Variants in ANKRD11 observed in about 807,000 individuals in gnomAD.
ANKRD11 encodes the protein ankyrin repeat domain 11, also known as ankyrin repeat domain-containing protein 11.
In ANKRD11, 17 loss-of-function variants were observed where a neutral mutation model predicts 195.7. The ratio of observed to expected loss-of-function variants is 0.09; its 90% CI spans 0.06 to 0.13. The LOEUF is 0.13. Among genes scored for constraint, ANKRD11 ranks in the 10% least tolerant of loss-of-function variants. ANKRD11 has a pLI of 1.00. For missense variants in ANKRD11, 3,735 were observed against 3,566.1 expected, an observed-to-expected ratio of 1.05 and a Z score of -1.21; for synonymous variants, 1,953 against 1,528.1, an observed-to-expected ratio of 1.28 and a Z score of -6.49.
At chr16:89,334,297 C>T (rs147539425) in intron 2 of ANKRD11, among the ~76,000 whole-genome samples, 14 of 152,160 alleles carry the variant, frequency 9.2e-5, no homozygotes, top group African/African-American at 2.4e-4. Flanking sequence ...AGTCAACCCC[C>T]AGTGAGTGTA....
At chr16:89,373,761 C>A (rs2040297648) in intron 2 of ANKRD11, among the ~76,000 whole-genome samples, 1 of 152,248 alleles carries the variant, frequency 6.6e-6, no homozygotes, top group African/African-American at 2.4e-5. Context: ...CCACACCTAC[C>A]TGGGATCCCC....
At chr16:89,308,340 C>T (rs558179460) in intron 3 of ANKRD11, among the ~76,000 whole-genome samples, 122 of 152,306 alleles carry the variant, frequency 8.0e-4, no homozygotes, top group African/African-American at 2.6e-3. Flanking sequence ...GATAAAATTC[C>T]ACACTGTTTG....
chr16:89,449,321 C>T (rs2043955374), intron 1 of ANKRD11, among the ~76,000 whole-genome samples: 1 of 152,010 alleles, frequency 6.6e-6, no homozygotes, highest in South Asian at 2.1e-4. Flanking sequence ...GCCGTGATCC[C>T]ACCACTGCAT....
chr16:89,279,630 T>A lies in ANKRD11; in HGVS notation c.6912A>T (p.Glu2304Asp). 6.9e-7 allele frequency: 1 copy of A among 1,438,986 alleles called. No homozygotes were observed. Among genetic ancestry groups the A allele is most frequent in the Non-Finnish European group, 9.1e-7 (1 of 1,101,016 alleles). The allele number at this position is 1,438,986 out of a possible 1,614,324, so 89.1% of individuals were successfully genotyped here. A position where few individuals can be genotyped will look rare whatever the true frequency, so the allele number is the denominator to read the frequency against. Residue 2304 changes from glutamate (E) to aspartate (D), a missense_variant, in exon 9 of 13, where the codon GAA (glutamate) becomes GAT (aspartate). Coordinates refer to ENST00000301030, the MANE Select transcript of ANKRD11 (RefSeq NM_013275.6). This position sits in a 1 kb window ranked among gnomAD's most constrained non-coding sequence, Gnocchi z 5.6. The part of the protein sequence containing the change: ...TEASRAAAPA[E>D]GPPGGIQPEA... ...CCGGCTGGATGCCGCCAGGAGGGCCTTCGGCTGGGGCGGCGGCACGGGAGG... is the reference window on the plus strand; with the variant it reads ...CCGGCTGGATGCCGCCAGGAGGGCCATCGGCTGGGGCGGCGGCACGGGAGG...
chr16:89,290,245 C>T (rs79976534), intron 6 of ANKRD11, among the ~76,000 whole-genome samples: 391 of 15,970 alleles, frequency 0.024, 5 homozygotes, highest in African/African-American at 0.09. Flanking sequence ...AGGGCTCCAG[C>T]GGGGGGTAGG....
chr16:89,473,850 GA>G (rs1277848482), intron 1 of ANKRD11, among the ~76,000 whole-genome samples: 1 of 152,226 alleles, frequency 6.6e-6, no homozygotes, highest in East Asian at 1.9e-4. Context: ...CTAACCCACA[GA>G]ATGTGGTGAA....
At chr16:89,304,546 G>A (rs1597546908) in intron 4 of ANKRD11, among the ~76,000 whole-genome samples, 1 of 148,578 alleles carries the variant, frequency 6.7e-6, no homozygotes, top group Non-Finnish European at 1.5e-5. Context: ...GTACACACAA[G>A]CACATACACG....
At chr16:89,307,751 C>T (rs1394456063) in intron 3 of ANKRD11, among the ~76,000 whole-genome samples, 1 of 152,266 alleles carries the variant, frequency 6.6e-6, no homozygotes, top group Non-Finnish European at 1.5e-5. Flanking sequence ...TAGGCATCTT[C>T]CTTGGGGTCG....
chr16:89,455,227 A>C (rs1444398365), intron 1 of ANKRD11, among the ~76,000 whole-genome samples: 2 of 142,042 alleles, frequency 1.4e-5, no homozygotes, highest in Admixed American at 1.4e-4. Flanking sequence ...AGGGTTCCTC[A>C]AGCTGCTCCC....
chr16:89,279,869 T>TCTCCGC lies in ANKRD11; in HGVS notation c.6667_6672dup (p.Ala2223_Glu2224dup). Reference sequence around the variant, plus strand: ...CCACGGGCCCTCTCTTCCGGCACCGTCTCCGCCTCCACCGCAGCTTCTAGA... The same window carrying TCTCCGC: ...CCACGGGCCCTCTCTTCCGGCACCGTCTCCGCCTCCGCCTCCACCGCAGCTTCTAGA... On this transcript the variant is annotated inframe_insertion, in exon 9 of 13. Coordinates refer to ENST00000301030, the MANE Select transcript of ANKRD11 (RefSeq NM_013275.6). This position sits in a 1 kb window ranked among gnomAD's most constrained non-coding sequence, Gnocchi z 5.6. 6.4e-7 allele frequency: 1 copy of TCTCCGC among 1,570,162 alleles called. No homozygotes were observed. Among genetic ancestry groups the TCTCCGC allele is most frequent in the Non-Finnish European group, 8.6e-7 (1 of 1,159,210 alleles).
intron 1 of ANKRD11, among the ~76,000 whole-genome samples, chr16:89,451,394 G>A (rs1169564516): frequency 6.7e-6 from 1 of 150,110 alleles, no homozygotes; most frequent in Non-Finnish European, 1.5e-5. Context: ...GGATTATGGT[G>A]ATGATTTCAC....
At chr16:89,329,704 A>G (rs2037944830) in intron 2 of ANKRD11, among the ~76,000 whole-genome samples, 1 of 152,232 alleles carries the variant, frequency 6.6e-6, no homozygotes. Flanking sequence ...GGAATCATGC[A>G]TTTTACATCA....
chr16:89,382,527 A>G (rs1033995391), intron 2 of ANKRD11, among the ~76,000 whole-genome samples: 1 of 151,842 alleles, frequency 6.6e-6, no homozygotes. Context: ...GGATTTCACC[A>G]TGTTGGCCAG....
At chr16:89,317,508 A>G (rs1310475845) in intron 2 of ANKRD11, among the ~76,000 whole-genome samples, 1 of 152,174 alleles carries the variant, frequency 6.6e-6, no homozygotes, top group African/African-American at 2.4e-5. Context: ...CAGGTCTGGC[A>G]GGTCATGTCC....
intron 1 of ANKRD11, among the ~76,000 whole-genome samples, chr16:89,420,911 C>T (rs1481034367): frequency 6.6e-6 from 1 of 152,226 alleles, no homozygotes; most frequent in Admixed American, 6.5e-5. Context: ...AAAACCACCA[C>T]CACGACTATA....
chr16:89,477,466 C>T lies in ANKRD11; in HGVS notation c.-145+12779G>A, dbSNP rs558519492. Among the ~76,000 whole-genome samples, 9 of 152,176 alleles carry T rather than the reference C, an allele frequency of 5.9e-5. No homozygotes were observed. The South Asian group carries it at 1.7e-3, about 28-fold the overall frequency. On this transcript the variant is annotated intron_variant, in intron 1 of 12. Transcript: ENST00000301030. ...CACCTCCTGGGTTCAACCGATTCTCCTGCCTCACCCTCCCGAGTAGCTGAG... is the reference window on the plus strand; with the variant it reads ...CACCTCCTGGGTTCAACCGATTCTCTTGCCTCACCCTCCCGAGTAGCTGAG...
intron 2 of ANKRD11, among the ~76,000 whole-genome samples, chr16:89,335,692 C>G (rs1056430430): frequency 2.0e-5 from 3 of 152,212 alleles, no homozygotes; most frequent in Non-Finnish European, 4.4e-5. Context: ...CAGGACACAG[C>G]ACATGAGCGC....
At chr16:89,409,278 T>C (rs114796343) in intron 2 of ANKRD11, among the ~76,000 whole-genome samples, 2,785 of 152,266 alleles carry the variant, frequency 0.018, 86 homozygotes, top group African/African-American at 0.064. Flanking sequence ...AATAAATCAC[T>C]AGGCTACAAG....
intron 1 of ANKRD11, among the ~76,000 whole-genome samples, chr16:89,475,361 T>C (rs2057221459): frequency 6.6e-6 from 1 of 152,176 alleles, no homozygotes; most frequent in Non-Finnish European, 1.5e-5. Context: ...ACCAGGTGAC[T>C]GCTGCCTCCC....
Sources: gnomAD v4.1 joint callset for allele counts (sites outside exome capture counted in the v4.1 genomes callset) on GRCh38, gnomAD v4.1.1 for gene constraint, Gnocchi (gnomAD v3.1) non-coding constraint, MANE v1.5 for transcripts, NCBI Gene and HGNC (gene_info 2026-07-23, HGNC 2026-07-21) for gene names.